The following DCC variants were observed in gnomAD, a reference collection of about 807,000 sequenced individuals.
The protein encoded by DCC is netrin receptor DCC.
DCC carries 58 observed loss-of-function variants against 172.5 expected under a neutral mutation model. The observed-to-expected ratio is 0.34, with a 90% CI of 0.27 to 0.42. The LOEUF is 0.42. Among genes scored for constraint, DCC ranks in the 10% least tolerant of loss-of-function variants. The pLI, the probability that DCC is intolerant of heterozygous loss-of-function variation, is 1.00. For missense variants in DCC, 1,740 were observed against 1,791.0 expected (o/e 0.97, Z 0.51); for synonymous variants, 709 against 644.5 (o/e 1.10, Z -1.52).
At chr18:52,830,052 T>C (rs9304434) in intron 2 of DCC, among the ~76,000 whole-genome samples, 84,817 of 151,894 alleles carry the variant, frequency 0.56, 25,256 homozygotes, top group East Asian at 0.8. Context: ...GGTACAAAGT[T>C]CTAGAGGTGG....
At chr18:52,537,163 A>T (rs951002766) in intron 1 of DCC, among the ~76,000 whole-genome samples, 1 of 152,222 alleles carries the variant, frequency 6.6e-6, no homozygotes, top group Admixed American at 6.5e-5. Context: ...TGAGTAAAAC[A>T]TCTCACATCT....
At chr18:52,642,388 T>C (rs2034925945) in intron 1 of DCC, among the ~76,000 whole-genome samples, 2 of 152,144 alleles carry the variant, frequency 1.3e-5, no homozygotes, top group South Asian at 2.1e-4. Flanking sequence ...GCTCGGGTGA[T>C]GGGTGTACCA....
chr18:52,423,928 C>T (rs1598807249), intron 1 of DCC, among the ~76,000 whole-genome samples: 1 of 152,026 alleles, frequency 6.6e-6, no homozygotes, highest in Non-Finnish European at 1.5e-5. Context: ...ATATTTTTTT[C>T]CAAGACCCTT....
chr18:53,529,004 T>TCTCTCTCTCTCC (rs1491528589), intron 28 of DCC, among the ~76,000 whole-genome samples: 1 of 66,190 alleles, frequency 1.5e-5, no homozygotes, highest in African/African-American at 4.6e-5. Context: ...CACTTCAACT[T>TCTCTCTCTCTCC]CTCTCTCTCT....
At chr18:52,942,570 G>A (rs1411649896) in intron 5 of DCC, among the ~76,000 whole-genome samples, 5 of 152,158 alleles carry the variant, frequency 3.3e-5, no homozygotes, top group Non-Finnish European at 5.9e-5. Flanking sequence ...GAATCATGGT[G>A]GGGCAAAAGG....
At chr18:52,486,631 C>T (rs1249522719) in intron 1 of DCC, among the ~76,000 whole-genome samples, 1 of 152,102 alleles carries the variant, frequency 6.6e-6, no homozygotes, top group Non-Finnish European at 1.5e-5. Flanking sequence ...GAAAATTTCT[C>T]CCTGGCTCAT....
intron 12 of DCC, among the ~76,000 whole-genome samples, chr18:53,294,101 G>C (rs543381106): frequency 1.1e-4 from 17 of 152,132 alleles, no homozygotes; most frequent in Non-Finnish European, 2.5e-4. Flanking sequence ...TTAAAGCAGA[G>C]AAAAGTGGTG....
rs34872786 is a variant in DCC, at chr18:53,279,647, T to TA, written c.1912-25914dup. On this transcript the variant is annotated intron_variant, in intron 12 of 28. Coordinates refer to ENST00000442544, the MANE Select transcript of DCC (RefSeq NM_005215.4). Reference sequence around the variant, plus strand: ...CTGTACCCTAAAACTTAAAGTATAATAAAAAAAAAAAAAAAAACCTGTGAC... The same window carrying TA: ...CTGTACCCTAAAACTTAAAGTATAATAAAAAAAAAAAAAAAAAACCTGTGAC... Among the ~76,000 whole-genome samples, 239 of 139,298 alleles carry TA rather than the reference T, an allele frequency of 1.7e-3. 1 individual carries two copies. Among genetic ancestry groups the TA allele is most frequent in the South Asian group, 1.4e-3 (6 of 4,394 alleles). The allele number at this position is 139,298 out of a possible 152,430, so 91.4% of individuals were successfully genotyped here.
intron 1 of DCC, among the ~76,000 whole-genome samples, chr18:52,364,451 T>C (rs939164005): frequency 6.6e-6 from 1 of 152,224 alleles, no homozygotes; most frequent in Admixed American, 6.5e-5. Context: ...ATATTGCATA[T>C]GCTGGCATAA....
At chr18:52,639,405 C>A (rs2034847441) in intron 1 of DCC, among the ~76,000 whole-genome samples, 1 of 151,956 alleles carries the variant, frequency 6.6e-6, no homozygotes, top group South Asian at 2.1e-4. Flanking sequence ...AACTGATAGA[C>A]CGTTGGCAAG....
chr18:52,992,685 C>G lies in DCC; in HGVS notation c.985+67315C>G, dbSNP rs572006091. Among the ~76,000 whole-genome samples, 35 of 152,188 alleles carry G rather than the reference C, an allele frequency of 2.3e-4. 1 individual carries two copies. In the South Asian group the frequency reaches 7.1e-3, roughly 31 times the overall value. ...GTATGTGATTTTATTGAACCCTCCC[C>G]CTGATGACTTAAGACATCTGTGGCT... On this transcript the variant is annotated intron_variant, in intron 5 of 28. Coordinates refer to ENST00000442544, the MANE Select transcript of DCC (RefSeq NM_005215.4).
intron 2 of DCC, among the ~76,000 whole-genome samples, chr18:52,857,302 T>C (rs1055759214): frequency 6.6e-6 from 1 of 152,232 alleles, no homozygotes; most frequent in Non-Finnish European, 1.5e-5. Context: ...TGCTAATGGA[T>C]GGGCAAGAGT....
intron 5 of DCC, among the ~76,000 whole-genome samples, chr18:52,963,181 C>T (rs1276447587): frequency 6.6e-6 from 1 of 151,444 alleles, no homozygotes; most frequent in Admixed American, 6.6e-5. Context: ...AGACAGCTCT[C>T]AATTCCATTT....
chr18:53,043,911 G>A (rs2042202378), intron 5 of DCC, among the ~76,000 whole-genome samples: 1 of 151,804 alleles, frequency 6.6e-6, no homozygotes, highest in South Asian at 2.1e-4. Context: ...TTAAAGTACT[G>A]TTACTGTGCC....
At chr18:52,420,785 C>A (rs1191953274) in intron 1 of DCC, among the ~76,000 whole-genome samples, 4 of 152,004 alleles carry the variant, frequency 2.6e-5, no homozygotes, top group South Asian at 2.1e-4. Context: ...CAAATGAAAA[C>A]CCTTGGAGGA....
chr18:52,580,093 G>C (rs148218686), intron 1 of DCC, among the ~76,000 whole-genome samples: 2 of 152,148 alleles, frequency 1.3e-5, no homozygotes, highest in African/African-American at 4.8e-5. Flanking sequence ...ATCACGACCC[G>C]CACTCTTAGC....
chr18:52,538,727 T>A (rs548801501), intron 1 of DCC, among the ~76,000 whole-genome samples: 1 of 152,346 alleles, frequency 6.6e-6, no homozygotes, highest in East Asian at 1.9e-4. Context: ...GTCCTGCTTT[T>A]CTTAATATAA....
At chr18:53,142,992 T>C (rs751807605) in intron 7 of DCC, among the ~76,000 whole-genome samples, 1 of 152,194 alleles carries the variant, frequency 6.6e-6, no homozygotes, top group Non-Finnish European at 1.5e-5. Flanking sequence ...TAGACTGGTA[T>C]TCTTTTTGGA....
intron 2 of DCC, among the ~76,000 whole-genome samples, chr18:52,833,597 G>T (rs2038654031): frequency 6.6e-6 from 1 of 152,098 alleles, no homozygotes. Context: ...CCCAAACAAT[G>T]CTAAGGTTTC....
Sources: allele counts gnomAD v4.1 joint callset (sites outside exome capture counted in the v4.1 genomes callset), GRCh38; gene constraint gnomAD v4.1.1; transcripts MANE v1.5; gene names NCBI Gene and HGNC (gene_info 2026-07-23, HGNC 2026-07-21).